KCNMA1: variants seen among roughly 807,000 people sequenced by gnomAD.
The protein encoded by KCNMA1 is potassium calcium-activated channel subfamily M alpha 1.
In KCNMA1, 29 loss-of-function variants were observed where a neutral mutation model predicts 140.0. The ratio of observed to expected loss-of-function variants is 0.21; its 90% CI spans 0.15 to 0.28. The LOEUF is 0.28. Among genes scored for constraint, KCNMA1 ranks in the 10% least tolerant of loss-of-function variants. KCNMA1 has a pLI of 1.00. For missense variants in KCNMA1, 880 were observed against 1,602.2 expected, an observed-to-expected ratio of 0.55 and a Z score of 7.70; for synonymous variants, 612 against 611.9, an observed-to-expected ratio of 1.00 and a Z score of 0.00.
At chr10:77,142,378 A>G (rs111641664) in intron 5 of KCNMA1, among the ~76,000 whole-genome samples, 61 of 152,066 alleles carry the variant, frequency 4.0e-4, no homozygotes, top group African/African-American at 1.4e-3. Flanking sequence ...TTAAAAAAAA[A>G]AAAAGAAAAG....
rs773751921 is a variant in KCNMA1, at chr10:76,892,783, G to A, written c.3148-1064C>T. On this transcript the variant is annotated intron_variant, in intron 25 of 27. Coordinates refer to ENST00000286628, the MANE Select transcript of KCNMA1 (RefSeq NM_001161352.2). ...GTCATTCTGGACTTTGATTTTTCTC[G>A]TCTGTAAAATAACAGTGGTCATTAA... is the stretch of plus-strand genomic sequence containing the variant. Among the ~76,000 whole-genome samples the A allele has an allele frequency of 5.3e-5, 8 of 152,026 alleles. No homozygotes were observed. In the South Asian group the frequency reaches 6.2e-4, roughly 12 times the overall value.
At chr10:77,184,583 G>T (rs1001778375) in intron 4 of KCNMA1, among the ~76,000 whole-genome samples, 2 of 152,114 alleles carry the variant, frequency 1.3e-5, no homozygotes, top group East Asian at 1.9e-4. Flanking sequence ...ACAATCCACC[G>T]GTGGATACAT....
chr10:77,264,793 T>TTTCC (rs1365158385), intron 2 of KCNMA1, among the ~76,000 whole-genome samples: 1 of 152,142 alleles, frequency 6.6e-6, no homozygotes. Flanking sequence ...TGATCACCAA[T>TTTCC]TTCCATCCCT....
At chr10:76,876,065 G>C (rs2032326454), downstream of KCNMA1, 1 of 152,574 alleles carries the variant, frequency 6.6e-6, no homozygotes, top group African/African-American at 2.4e-5. Flanking sequence ...GCTCTGCAGG[G>C]AGTGGACAGA....
chr10:77,073,019 G>A, intron 14 of KCNMA1, 78 bp downstream of exon 14: 1 of 1,398,510 alleles, frequency 7.2e-7, no homozygotes, highest in South Asian at 1.2e-5. Context: ...TCTGTTTTGA[G>A]TTTAAGCTGT....
chr10:77,216,145 C>G (rs972769460), intron 3 of KCNMA1, among the ~76,000 whole-genome samples: 1 of 152,100 alleles, frequency 6.6e-6, no homozygotes, highest in South Asian at 2.1e-4. Flanking sequence ...TCTATAGAGA[C>G]AGAAAGTAGA....
intron 2 of KCNMA1, among the ~76,000 whole-genome samples, chr10:77,284,319 G>T (rs1482116108): frequency 2.0e-5 from 3 of 152,124 alleles, no homozygotes; most frequent in Non-Finnish European, 4.4e-5. Context: ...TGTTCCCTGG[G>T]AGAGTAGAGT....
At chr10:77,519,556 T>C (rs202125373) in intron 1 of KCNMA1, among the ~76,000 whole-genome samples, 1 of 152,186 alleles carries the variant, frequency 6.6e-6, no homozygotes, top group East Asian at 1.9e-4. Context: ...GCCTGGATAA[T>C]CGAGGGAAGA....
At chr10:77,291,122 A>G (rs963093263) in intron 2 of KCNMA1, among the ~76,000 whole-genome samples, 2 of 152,180 alleles carry the variant, frequency 1.3e-5, no homozygotes, top group Admixed American at 6.5e-5. Flanking sequence ...TCTCTTCCCC[A>G]TGAATTTAGT....
intron 2 of KCNMA1, among the ~76,000 whole-genome samples, chr10:77,274,411 C>A (rs899484458): frequency 6.6e-6 from 1 of 152,190 alleles, no homozygotes; most frequent in Non-Finnish European, 1.5e-5. Flanking sequence ...TCCTCCCCAT[C>A]CCCTAATCAA....
chr10:77,476,678 C>T (rs548681985), intron 1 of KCNMA1, among the ~76,000 whole-genome samples: 1 of 152,322 alleles, frequency 6.6e-6, no homozygotes, highest in South Asian at 2.1e-4. Context: ...GTCTGCTGCT[C>T]AGGTGCATGT....
intron 26 of KCNMA1, 174 bp downstream of exon 26, chr10:76,891,351 T>C: frequency 1.5e-6 from 1 of 658,924 alleles, no homozygotes; most frequent in Non-Finnish European, 2.7e-6. Flanking sequence ...TGACTATGCA[T>C]AGAGCAAAGT....
chr10:77,311,688 G>T (rs1379453598), intron 2 of KCNMA1, among the ~76,000 whole-genome samples: 1 of 152,236 alleles, frequency 6.6e-6, no homozygotes, highest in African/African-American at 2.4e-5. Flanking sequence ...TGATGTCCCA[G>T]AATCCAATGA....
chr10:77,379,151 G>A (rs1156766704), intron 2 of KCNMA1, among the ~76,000 whole-genome samples: 1 of 152,186 alleles, frequency 6.6e-6, no homozygotes, highest in African/African-American at 2.4e-5. Context: ...AACCAGGAAA[G>A]ACAACAGACC....
intron 2 of KCNMA1, among the ~76,000 whole-genome samples, chr10:77,276,942 G>A (rs1046016950): frequency 6.6e-6 from 1 of 152,054 alleles, no homozygotes; most frequent in African/African-American, 2.4e-5. Flanking sequence ...TTATAGCTGA[G>A]GAAACTGAGG....
At chr10:77,294,713 G>A (rs1430965472) in intron 2 of KCNMA1, among the ~76,000 whole-genome samples, 1 of 152,154 alleles carries the variant, frequency 6.6e-6, no homozygotes, top group Non-Finnish European at 1.5e-5. Flanking sequence ...GAGGTCAGGA[G>A]TTCGAGGCCA....
intron 19 of KCNMA1, among the ~76,000 whole-genome samples, chr10:76,993,372 A>G (rs1032980586): frequency 2.5e-4 from 38 of 152,170 alleles, no homozygotes; most frequent in African/African-American, 8.7e-4. Flanking sequence ...CTCCAATAAG[A>G]AGGAAACTCT....
chr10:77,286,300 G>GA (rs2070795409), intron 2 of KCNMA1, among the ~76,000 whole-genome samples: 2 of 152,186 alleles, frequency 1.3e-5, no homozygotes, highest in South Asian at 4.1e-4. Context: ...CAAAGACTCA[G>GA]AGCCTGAGAG....
At chr10:77,354,498 T>C (rs1449898100) in intron 2 of KCNMA1, 1 of 152,126 alleles carries the variant, frequency 6.6e-6, no homozygotes, top group Admixed American at 6.5e-5. Flanking sequence ...AAAGAAGCTG[T>C]TTTGGAGGTT....
Sources: allele counts gnomAD v4.1 joint callset (sites outside exome capture counted in the v4.1 genomes callset), GRCh38; gene constraint gnomAD v4.1.1; transcripts MANE v1.5; gene names NCBI Gene and HGNC (gene_info 2026-07-23, HGNC 2026-07-21).